Variants in SMARCA5 observed in about 807,000 individuals in gnomAD.
SMARCA5 encodes the protein SWI/SNF-related matrix-associated actin-dependent regulator of chromatin subfamily A member 5.
In SMARCA5, 18 loss-of-function variants were observed where a neutral mutation model predicts 140.4. The ratio of observed to expected loss-of-function variants is 0.13; its 90% CI spans 0.09 to 0.19. SMARCA5 has a LOEUF of 0.19. Ranked by LOEUF, SMARCA5 falls within the 10% of genes least tolerant of loss-of-function variation. The probability of loss-of-function intolerance (pLI) is 1.00; values close to 1 mark genes in which losing one functional copy is unlikely to be tolerated. For missense variants in SMARCA5, 606 were observed against 1,276.8 expected (o/e 0.47, Z 8.01); for synonymous variants, 449 against 419.6 (o/e 1.07, Z -0.86).
rs889901607 is a variant in SMARCA5, at chr4:143,556,350, C to G, written c.*3166C>G. 10 of 152,166 alleles carry G rather than the reference C, an allele frequency of 6.6e-5. No homozygotes were observed. The highest frequency in any genetic ancestry group is 2.4e-4 in the African/African-American group (10 of 41,440). The allele number at this position is 152,166 out of a possible 1,614,324, so 9.4% of individuals were successfully genotyped here. ...TCTTAAAAAGCATTGTAAAACACCCCTGTGGTTTTTCAGAAAAATTCTGAG... is the reference window on the plus strand; with the variant it reads ...TCTTAAAAAGCATTGTAAAACACCCGTGTGGTTTTTCAGAAAAATTCTGAG... On this transcript the variant is annotated 3_prime_UTR_variant, in exon 24 of 24. Transcript: ENST00000283131.
chr4:143,525,400 C>T, intron 4 of SMARCA5, 51 bp from the exon 5 acceptor site: 3 of 1,071,372 alleles, frequency 2.8e-6, no homozygotes, highest in Non-Finnish European at 4.4e-6. Flanking sequence ...GAAGAGATTG[C>T]CTTGTATTTC....
intron 9 of SMARCA5, among the ~76,000 whole-genome samples, chr4:143,534,387 G>A (rs1737262547): frequency 6.6e-6 from 1 of 152,016 alleles, no homozygotes; most frequent in South Asian, 2.1e-4. Context: ...CACATCCATA[G>A]ATTCAATCAA....
intron 17 of SMARCA5, among the ~76,000 whole-genome samples, chr4:143,545,231 G>A (rs1737499975): frequency 2.0e-5 from 3 of 152,046 alleles, no homozygotes. Context: ...GTGAGCCACT[G>A]CCTCTTTCCT....
chr4:143,536,822 C>G lies in SMARCA5; in HGVS notation c.1495+144C>G, dbSNP rs954988741. 2.4e-5 allele frequency: 15 copies of G among 637,012 alleles called. 1 individual carries two copies. The South Asian group carries it at 2.7e-4, about 12-fold the overall frequency. The allele number at this position is 637,012 out of a possible 1,614,324, so 39.5% of individuals were successfully genotyped here. A position where few individuals can be genotyped will look rare whatever the true frequency, so the allele number is the denominator to read the frequency against. ...TAAAAAAACCTGTTCATTATCTGAG[C>G]TCTAACCCCCACTCCTGATTTTAGG... On this transcript the variant is annotated intron_variant, in intron 11 of 23. Coordinates refer to ENST00000283131, the MANE Select transcript of SMARCA5 (RefSeq NM_003601.4).
intron 1 of SMARCA5, among the ~76,000 whole-genome samples, chr4:143,514,907 A>T (rs1287633676): frequency 1.3e-5 from 2 of 151,814 alleles, no homozygotes; most frequent in Non-Finnish European, 2.9e-5. Context: ...GCCGAGACTT[A>T]TGGGTTTGGG....
chr4:143,551,708 A>T (rs185727633), intron 23 of SMARCA5, among the ~76,000 whole-genome samples: 111 of 152,020 alleles, frequency 7.3e-4, no homozygotes, highest in Non-Finnish European at 1.4e-3. Flanking sequence ...TTCCATGTAG[A>T]TGTATGGACT....
intron 6 of SMARCA5, among the ~76,000 whole-genome samples, chr4:143,527,413 G>A (rs1463350477): frequency 2.0e-5 from 3 of 152,144 alleles, no homozygotes; most frequent in African/African-American, 7.2e-5. Context: ...TACTTAACCA[G>A]TCTTTGCTTC....
intron 8 of SMARCA5, among the ~76,000 whole-genome samples, chr4:143,529,080 G>A (rs1377165310): frequency 6.6e-6 from 1 of 152,160 alleles, no homozygotes; most frequent in African/African-American, 2.4e-5. Flanking sequence ...GATCACAGGT[G>A]TGTGCCACCA....
chr4:143,514,246 T>C (rs1736774335), intron 1 of SMARCA5, 145 bp downstream of exon 1: 10 of 729,832 alleles, frequency 1.4e-5, no homozygotes, highest in South Asian at 9.6e-5. Flanking sequence ...GAAATGATGC[T>C]CTCACTCTTG....
At chr4:143,532,085 A>G (rs541424846) in intron 9 of SMARCA5, among the ~76,000 whole-genome samples, 1 of 152,346 alleles carries the variant, frequency 6.6e-6, no homozygotes, top group African/African-American at 2.4e-5. Flanking sequence ...GTTAGAGTGG[A>G]TATTTGAACA....
intron 1 of SMARCA5, chr4:143,514,510 C>G (rs986726271): frequency 6.0e-6 from 1 of 165,416 alleles, no homozygotes; most frequent in Non-Finnish European, 1.3e-5. Flanking sequence ...CCCTTAGGAG[C>G]GGGATGCACG....
rs528542958 is a variant in SMARCA5, at chr4:143,517,211, A to G, written c.178-144A>G. 4.4e-4 allele frequency: 246 copies of G among 563,644 alleles called. No homozygotes were observed. The highest frequency in any genetic ancestry group is 5.8e-4 in the Non-Finnish European group (183 of 314,616). The allele number at this position is 563,644 out of a possible 1,614,324, so 34.9% of individuals were successfully genotyped here. ...ATATCATTTTATCAGTTTTTCTGTT[A>G]GCTTAGATGACAGCTGTTTAAGTTT... On this transcript the variant is annotated intron_variant, in intron 1 of 23. Transcript: ENST00000283131.
In SMARCA5 at chr4:143,543,582, A is replaced by G. The variant is rs1269064837; in HGVS notation, c.1977A>G (p.Thr659=). The change falls in exon 15 of 24, where the codon ACA becomes ACG. Residue 659 remains threonine (T), a synonymous_variant. Transcript: ENST00000283131. ...EMLQMIRHGA[T]HVFASKESEI... Reference sequence around the variant, plus strand: ...TTCAAATGATTAGACATGGAGCAACACATGTGTTTGCTTCAAAGGAAAGTG... The same window carrying G: ...TTCAAATGATTAGACATGGAGCAACGCATGTGTTTGCTTCAAAGGAAAGTG... 6.2e-7 allele frequency: 1 copy of G among 1,612,000 alleles called. No homozygotes were observed.
At position 143,525,672 on chromosome 4, in the gene SMARCA5, G is replaced by A. The variant is rs867931969; in HGVS notation, c.621+121G>A. 3 of 658,080 alleles carry A rather than the reference G, an allele frequency of 4.6e-6. No homozygotes were observed. The Middle Eastern group carries it at 7.7e-4, about 168-fold the overall frequency. 40.8% of individuals were successfully genotyped at this position (658,080 alleles called of 1,614,324 possible). A position where few individuals can be genotyped will look rare whatever the true frequency, so the allele number is the denominator to read the frequency against. On this transcript the variant is annotated intron_variant, in intron 5 of 23. Transcript: ENST00000283131. ...TGGATCCTCTCAGAAACTAGTATAA[G>A]CAGCTTGCCTTAGTTGCATAAGTGT...
At chr4:143,537,400 A>G (rs566023672) in intron 11 of SMARCA5, among the ~76,000 whole-genome samples, 58 of 152,338 alleles carry the variant, frequency 3.8e-4, no homozygotes, top group African/African-American at 1.4e-3. Context: ...TAAGAATGAC[A>G]TTTGGACCAG....
chr4:143,543,546 A>G lies in SMARCA5; in HGVS notation c.1941A>G (p.Lys647=), dbSNP rs1317378356. The G allele has an allele frequency of 4.3e-6, 7 of 1,613,264 alleles. No individual in the cohort carries two copies. The highest frequency in any genetic ancestry group is 5.1e-6 in the Non-Finnish European group (6 of 1,179,616). ...ATCAGAATCTGAACAAAATTGGGAAAGATGAAATGCTTCAAATGATTAGAC... is the reference window on the plus strand; with the variant it reads ...ATCAGAATCTGAACAAAATTGGGAAGGATGAAATGCTTCAAATGATTAGAC... ...LVDQNLNKIG[K]DEMLQMIRHG... Residue 647 remains lysine, a synonymous_variant, in exon 15 of 24, where the codon AAA becomes AAG. Transcript: ENST00000283131.
At chr4:143,514,708 G>C (rs1477502109) in intron 1 of SMARCA5, 6 of 152,412 alleles carry the variant, frequency 3.9e-5, no homozygotes, top group African/African-American at 1.4e-4. Flanking sequence ...CCCCTCCCAG[G>C]CACTATTCCA....
At chr4:143,540,913 G>A (rs1027762494) in intron 14 of SMARCA5, among the ~76,000 whole-genome samples, 2 of 152,162 alleles carry the variant, frequency 1.3e-5, no homozygotes, top group African/African-American at 2.4e-5. Context: ...AAATCAAAGA[G>A]CCTGATTTTA....
In SMARCA5 at chr4:143,540,514, A is replaced by C. The variant is rs1382268134; in HGVS notation, c.1903+19A>C. The C allele has an allele frequency of 6.3e-7, 1 of 1,594,148 alleles. No individual in the cohort carries two copies. Among genetic ancestry groups the C allele is most frequent in the Non-Finnish European group, 8.5e-7 (1 of 1,173,400 alleles). The stretch of plus-strand genomic sequence containing the variant: ...CAACAAGGTAAGCCATGGAACTTTA[A>C]AACTTTACCAAGTTGGATTGACACA... On this transcript the variant is annotated intron_variant, in intron 14 of 23. Coordinates refer to ENST00000283131, the MANE Select transcript of SMARCA5 (RefSeq NM_003601.4).
Sources: gnomAD v4.1 joint callset for allele counts (sites outside exome capture counted in the v4.1 genomes callset) on GRCh38, gnomAD v4.1.1 for gene constraint, MANE v1.5 for transcripts, NCBI Gene and HGNC (gene_info 2026-07-23, HGNC 2026-07-21) for gene names.